Variants in LRMDA observed in about 807,000 individuals in gnomAD.
The protein encoded by LRMDA is leucine-rich melanocyte differentiation-associated protein.
LRMDA carries 18 observed loss-of-function variants against 29.8 expected under a neutral mutation model. That is an observed-to-expected ratio of 0.60 (90% CI 0.42 to 0.90). LRMDA has a LOEUF of 0.90. Among genes scored for constraint, LRMDA ranks in the 40% least tolerant of loss-of-function variants. The pLI, the probability that LRMDA is intolerant of heterozygous loss-of-function variation, is 0.00. For missense variants in LRMDA, 273 were observed against 273.9 expected (o/e 1.00, Z 0.02); for synonymous variants, 125 against 109.4 (o/e 1.14, Z -0.89).
chr10:76,378,593 A>T (rs1228119673), intron 6 of LRMDA, among the ~76,000 whole-genome samples: 1 of 151,972 alleles, frequency 6.6e-6, no homozygotes, highest in African/African-American at 2.4e-5. Flanking sequence ...TCATGAAGAG[A>T]TGCTGAATTT....
chr10:76,246,056 A>AT (rs1427513510), intron 5 of LRMDA, among the ~76,000 whole-genome samples: 2 of 152,182 alleles, frequency 1.3e-5, no homozygotes, highest in Non-Finnish European at 2.9e-5. Context: ...TCCATATTTC[A>AT]TTGACGAGGA....
At chr10:76,022,917 T>G (rs1417040553) in intron 2 of LRMDA, among the ~76,000 whole-genome samples, 1 of 152,304 alleles carries the variant, frequency 6.6e-6, no homozygotes, top group East Asian at 1.9e-4. Context: ...TATAAACTTT[T>G]TGATGACTTA....
chr10:76,264,837 T>A (rs1162348319), intron 5 of LRMDA, among the ~76,000 whole-genome samples: 2 of 152,338 alleles, frequency 1.3e-5, no homozygotes, highest in African/African-American at 4.8e-5. Flanking sequence ...GGACTCATCT[T>A]TGCCAATTTC....
chr10:75,757,954 G>C (rs187154546), intron 2 of LRMDA, among the ~76,000 whole-genome samples: 1 of 152,078 alleles, frequency 6.6e-6, no homozygotes, highest in East Asian at 1.9e-4. Flanking sequence ...CATATGTCAC[G>C]ATGCCTGGCT....
intron 6 of LRMDA, among the ~76,000 whole-genome samples, chr10:76,451,446 C>T (rs888401099): frequency 6.6e-6 from 1 of 152,104 alleles, no homozygotes; most frequent in Non-Finnish European, 1.5e-5. Flanking sequence ...ACCTCGTGAT[C>T]CGCCCGCCTC....
chr10:76,081,872 A>G (rs1309341650), intron 5 of LRMDA, among the ~76,000 whole-genome samples: 1 of 152,222 alleles, frequency 6.6e-6, no homozygotes, highest in Non-Finnish European at 1.5e-5. Flanking sequence ...ATTAAACACT[A>G]TCCCTTACTT....
chr10:76,504,768 C>T (rs1301134746), intron 6 of LRMDA, among the ~76,000 whole-genome samples: 1 of 151,956 alleles, frequency 6.6e-6, no homozygotes, highest in Non-Finnish European at 1.5e-5. Context: ...CCACTCTATG[C>T]CTTTTAAGTG....
intron 2 of LRMDA, among the ~76,000 whole-genome samples, chr10:75,546,585 A>G (rs909770738): frequency 4.6e-5 from 7 of 152,200 alleles, no homozygotes; most frequent in Admixed American, 4.6e-4. Context: ...TTACAAAATT[A>G]TAATAAAATC....
chr10:75,884,924 TCAGGAGGCCTGGGGAGAACTCCAGTC>T (rs548483883), intron 2 of LRMDA, among the ~76,000 whole-genome samples: 1 of 151,734 alleles, frequency 6.6e-6, no homozygotes, highest in South Asian at 2.1e-4. Context: ...GGATAGCAGT[TCAGGAGGCCTGGGGAGAACTCCAGTC>T]CAGGAGGCCC....
At chr10:75,477,221 C>T (rs2132050210) in intron 2 of LRMDA, among the ~76,000 whole-genome samples, 1 of 152,236 alleles carries the variant, frequency 6.6e-6, no homozygotes, top group South Asian at 2.1e-4. Context: ...CTCAAGCAGT[C>T]CTCTCGCCTC....
intron 2 of LRMDA, among the ~76,000 whole-genome samples, chr10:75,548,511 C>T (rs796957389): frequency 6.6e-5 from 10 of 152,220 alleles, no homozygotes; most frequent in Non-Finnish European, 1.5e-4. Context: ...TTCCTTCTGA[C>T]CTGGACATCC....
At chr10:75,849,101 C>T (rs1032030692) in intron 2 of LRMDA, among the ~76,000 whole-genome samples, 3 of 152,182 alleles carry the variant, frequency 2.0e-5, no homozygotes, top group African/African-American at 7.2e-5. Context: ...TCCTATAGGA[C>T]ATGGCCTACC....
rs564995028 is a variant in LRMDA, at chr10:76,109,346, G to A, written c.516+50563G>A. 2.5e-4 allele frequency among the ~76,000 whole-genome samples: 38 copies of A among 152,276 alleles called. No individual in the cohort carries two copies. The South Asian group carries it at 4.6e-3, about 18-fold the overall frequency. On this transcript the variant is annotated intron_variant, in intron 5 of 6. Transcript: ENST00000611255. Reference sequence around the variant, plus strand: ...CCCCAAGAGAAATCTTCTTTTCCAGGAATATACAGCAAAATCAATCAAGTC... The same window carrying A: ...CCCCAAGAGAAATCTTCTTTTCCAGAAATATACAGCAAAATCAATCAAGTC...
At chr10:76,370,216 T>C (rs1841437642) in intron 6 of LRMDA, among the ~76,000 whole-genome samples, 1 of 151,488 alleles carries the variant, frequency 6.6e-6, no homozygotes, top group South Asian at 2.1e-4. Context: ...AAAGAGACCC[T>C]CCCCCTAAAA....
At chr10:75,908,972 A>T (rs1488096134) in intron 2 of LRMDA, among the ~76,000 whole-genome samples, 1 of 152,196 alleles carries the variant, frequency 6.6e-6, no homozygotes, top group Non-Finnish European at 1.5e-5. Context: ...AAATTTCAGG[A>T]TTTATCTATC....
chr10:76,353,859 A>G (rs565416698), intron 6 of LRMDA, among the ~76,000 whole-genome samples: 1 of 152,090 alleles, frequency 6.6e-6, no homozygotes, highest in African/African-American at 2.4e-5. Flanking sequence ...GGGACATGTG[A>G]TTTCTGGCTT....
chr10:75,897,196 C>G (rs1358756686), intron 2 of LRMDA, among the ~76,000 whole-genome samples: 2 of 152,136 alleles, frequency 1.3e-5, no homozygotes, highest in African/African-American at 2.4e-5. Flanking sequence ...TTTAAATATG[C>G]CTCTTAGAAT....
chr10:76,133,036 T>C (rs1228368579), intron 5 of LRMDA, among the ~76,000 whole-genome samples: 2 of 136,016 alleles, frequency 1.5e-5, no homozygotes, highest in African/African-American at 5.7e-5. Context: ...TTAGCCAGGA[T>C]GGTCTCAATC....
At chr10:76,076,528 G>A (rs558060169) in intron 5 of LRMDA, among the ~76,000 whole-genome samples, 1 of 152,182 alleles carries the variant, frequency 6.6e-6, no homozygotes, top group African/African-American at 2.4e-5. Flanking sequence ...TTATCCTCAT[G>A]AGAGGATAAG....
Sources: allele counts gnomAD v4.1 joint callset (sites outside exome capture counted in the v4.1 genomes callset), GRCh38; gene constraint gnomAD v4.1.1; transcripts MANE v1.5; gene names NCBI Gene and HGNC (gene_info 2026-07-23, HGNC 2026-07-21).